Variants in STK3 observed in about 807,000 individuals in gnomAD.
STK3 encodes serine/threonine-protein kinase 3.
STK3 carries 41 observed loss-of-function variants against 58.0 expected under a neutral mutation model. The observed-to-expected ratio is 0.71, with a 90% confidence interval of 0.55 to 0.92. STK3 has a LOEUF of 0.92. STK3 is among the 40% of genes least tolerant of loss of function. The pLI is 0.00. For missense variants in STK3, 479 were observed against 602.7 expected (o/e 0.79, Z 2.15); for synonymous variants, 170 against 191.0 (o/e 0.89, Z 0.91).
At chr8:98,905,767 C>A (rs1838873062) in intron 1 of STK3, 1 of 437,574 alleles carries the variant, frequency 2.3e-6, no homozygotes. Context: ...AAACTTCAGC[C>A]GAATTAAATT....
rs1033331254 is a variant in STK3, at chr8:98,615,100, G to T, written c.685-18931C>A. Among the ~76,000 whole-genome samples the T allele has an allele frequency of 2.0e-4, 30 of 151,740 alleles. 1 individual carries two copies. The highest frequency in any genetic ancestry group is 7.0e-4 in the African/African-American group (29 of 41,432). The stretch of plus-strand genomic sequence containing the variant: ...AAGAGAGCAGTGGTTCTCCCAGCAC[G>T]CAGCTGGAGATCTGAGAACGGGCAG... On this transcript the variant is annotated intron_variant, in intron 6 of 10. Coordinates refer to ENST00000419617, the MANE Select transcript of STK3 (RefSeq NM_006281.4).
At chr8:98,734,526 C>A (rs922376492) in intron 4 of STK3, among the ~76,000 whole-genome samples, 1 of 152,250 alleles carries the variant, frequency 6.6e-6, no homozygotes, top group South Asian at 2.1e-4. Context: ...ATACAATAAA[C>A]ATCCAAAATA....
chr8:98,401,318 T>C (rs1817941971), downstream of STK3: 1 of 152,222 alleles, frequency 6.6e-6, no homozygotes, highest in African/African-American at 2.4e-5. Context: ...AGAGACCCCA[T>C]GCAAGAGCCA....
intron 4 of STK3, among the ~76,000 whole-genome samples, chr8:98,726,866 C>T (rs182770465): frequency 1.3e-5 from 2 of 152,140 alleles, no homozygotes; most frequent in African/African-American, 4.8e-5. Context: ...AGAGATGGGA[C>T]CCAAAAGCTT....
chr8:98,669,240 C>T (rs1373638344), intron 6 of STK3, among the ~76,000 whole-genome samples: 1 of 152,056 alleles, frequency 6.6e-6, no homozygotes, highest in Non-Finnish European at 1.5e-5. Flanking sequence ...CATGATCCAC[C>T]CACCTCGGCC....
chr8:98,353,176 G>C, the STK3 span, among the ~76,000 whole-genome samples: 4 of 152,106 alleles, frequency 2.6e-5, no homozygotes, highest in Non-Finnish European at 5.9e-5. Context: ...TGTGCATAAG[G>C]TGTATATGAA....
intron 1 of STK3, among the ~76,000 whole-genome samples, chr8:98,384,443 A>G (rs933496112): frequency 1.3e-5 from 2 of 151,994 alleles, no homozygotes. Context: ...CGTTTTGTTC[A>G]ATTATTTATT....
chr8:98,899,659 A>T (rs1838583216), intron 1 of STK3, among the ~76,000 whole-genome samples: 2 of 152,146 alleles, frequency 1.3e-5, no homozygotes, highest in Admixed American at 6.5e-5. Flanking sequence ...CCAATTTCCC[A>T]TGGGTGCTGG....
chr8:98,624,985 G>A (rs1818605651), intron 6 of STK3, among the ~76,000 whole-genome samples: 1 of 152,000 alleles, frequency 6.6e-6, no homozygotes, highest in South Asian at 2.1e-4. Flanking sequence ...ATGGCCTGAG[G>A]ATGAAGTCCA....
intron 1 of STK3, among the ~76,000 whole-genome samples, chr8:98,811,610 A>T (rs941263336): frequency 6.6e-6 from 1 of 151,718 alleles, no homozygotes; most frequent in South Asian, 2.1e-4. Flanking sequence ...AAAAAAAAAA[A>T]ATACATCTTT....
At chr8:98,411,457 C>A (rs973433359) in intron 3 of STK3, among the ~76,000 whole-genome samples, 1 of 152,244 alleles carries the variant, frequency 6.6e-6, no homozygotes. Context: ...CTAGCTTCTC[C>A]TTTCTTCTTC....
At chr8:98,559,680 C>T (rs552816025) in intron 8 of STK3, among the ~76,000 whole-genome samples, 3 of 152,186 alleles carry the variant, frequency 2.0e-5, no homozygotes, top group Non-Finnish European at 4.4e-5. Context: ...CTATGGACAT[C>T]GCAAATTAAA....
At chr8:98,849,094 C>T (rs1836330909) in intron 3 of STK3, among the ~76,000 whole-genome samples, 1 of 151,894 alleles carries the variant, frequency 6.6e-6, no homozygotes, top group Admixed American at 6.6e-5. Context: ...GGCGTGGTGG[C>T]TGGCACCTGT....
At position 98,403,728 on chromosome 8, in the gene STK3, C is replaced by T. The variant is rs1024974579; in HGVS notation, n.484-2215G>A. On this transcript the variant is annotated intron_variant and non_coding_transcript_variant, in intron 3 of 3. Transcript: ENST00000517832. ...GCCTAAGGCAGAGTCACACACTACTCTTGCACACTACCCTTGTTACAAAGT... is the reference window on the plus strand; with the variant it reads ...GCCTAAGGCAGAGTCACACACTACTTTTGCACACTACCCTTGTTACAAAGT... Among the ~76,000 whole-genome samples, 17 of 152,196 alleles carry T rather than the reference C, an allele frequency of 1.1e-4. 1 individual carries two copies. The highest frequency in any genetic ancestry group is 3.9e-4 in the African/African-American group (16 of 41,438).
Position 98,774,822 on chromosome 8 carries a change from G to A in STK3, c.27-3C>T. The stretch of plus-strand genomic sequence containing the variant: ...CTTCACTCAGCTTTTTTAGTTTACT[G>A]ATTTAAAAAAGAAAGAAGAAAGAAA... On this transcript the variant is annotated splice_polypyrimidine_tract_variant and splice_region_variant and intron_variant, in intron 1 of 10. Transcript: ENST00000419617. 6.5e-7 allele frequency: 1 copy of A among 1,528,552 alleles called. No individual in the cohort carries two copies. The highest frequency in any genetic ancestry group is 8.7e-7 in the Non-Finnish European group (1 of 1,143,202). 94.7% of individuals were successfully genotyped at this position (1,528,552 alleles called of 1,614,324 possible).
At chr8:98,439,922 G>A (rs1402762321) in intron 1 of STK3, among the ~76,000 whole-genome samples, 1 of 152,184 alleles carries the variant, frequency 6.6e-6, no homozygotes, top group African/African-American at 2.4e-5. Context: ...TTTGTCATCT[G>A]CCATGCACTA....
chr8:98,650,907 G>A (rs1029762949), intron 6 of STK3, among the ~76,000 whole-genome samples: 8 of 152,224 alleles, frequency 5.3e-5, no homozygotes, highest in African/African-American at 1.9e-4. Flanking sequence ...CACCTCTGGA[G>A]GAAGGGCACA....
intron 8 of STK3, among the ~76,000 whole-genome samples, chr8:98,578,107 G>A (rs1563758592): frequency 6.6e-6 from 1 of 152,088 alleles, no homozygotes; most frequent in Non-Finnish European, 1.5e-5. Context: ...ATGATAAAGT[G>A]CCTTTGAAAC....
intron 10 of STK3, among the ~76,000 whole-genome samples, chr8:98,464,640 G>A (rs571649308): frequency 6.8e-4 from 102 of 150,822 alleles, no homozygotes; most frequent in African/African-American, 2.3e-3. Flanking sequence ...TCCTGGCACT[G>A]AGAAGCATAC....
Sources: allele counts gnomAD v4.1 joint callset (sites outside exome capture counted in the v4.1 genomes callset), GRCh38; gene constraint gnomAD v4.1.1; transcripts MANE v1.5; gene names NCBI Gene and HGNC (gene_info 2026-07-23, HGNC 2026-07-21).